Variants in PHLPP1 observed in about 807,000 individuals in gnomAD.
PHLPP1 encodes the protein PH domain leucine-rich repeat-containing protein phosphatase 1.
PHLPP1 carries 42 observed loss-of-function variants against 117.2 expected under a neutral mutation model. The ratio of observed to expected loss-of-function variants is 0.36; its 90% confidence interval spans 0.28 to 0.46. PHLPP1 has a LOEUF of 0.46. Among genes scored for constraint, PHLPP1 ranks in the 20% least tolerant of loss-of-function variants. The pLI is 1.00. For missense variants in PHLPP1, 2,084 were observed against 2,241.9 expected (o/e 0.93, Z 1.42); for synonymous variants, 1,042 against 970.7 (o/e 1.07, Z -1.37).
At chr18:62,806,192 A>G (rs1281945289) in intron 1 of PHLPP1, among the ~76,000 whole-genome samples, 1 of 152,194 alleles carries the variant, frequency 6.6e-6, no homozygotes, top group Admixed American at 6.5e-5. Flanking sequence ...TGATGTATGT[A>G]TAAACACTTA....
intron 1 of PHLPP1, among the ~76,000 whole-genome samples, chr18:62,806,710 AG>A (rs1913961281): frequency 6.6e-6 from 1 of 152,218 alleles, no homozygotes; most frequent in Non-Finnish European, 1.5e-5. Context: ...TAGATCTTCA[AG>A]GATTAGCTTG....
At chr18:62,722,536 A>G (rs1910953550) in intron 1 of PHLPP1, among the ~76,000 whole-genome samples, 1 of 152,100 alleles carries the variant, frequency 6.6e-6, no homozygotes. Flanking sequence ...AACCCATTCC[A>G]TCCCTTTAAT....
At chr18:62,864,078 G>A (rs1915705892) in intron 4 of PHLPP1, among the ~76,000 whole-genome samples, 2 of 151,936 alleles carry the variant, frequency 1.3e-5, no homozygotes, top group South Asian at 4.1e-4. Flanking sequence ...CTGGAGTGCA[G>A]TGGCACAGTC....
intron 1 of PHLPP1, chr18:62,824,307 A>G (rs1914549405): frequency 2.5e-6 from 1 of 395,836 alleles, no homozygotes; most frequent in South Asian, 1.8e-5. Flanking sequence ...TCAAAATAGA[A>G]AAAAAAAAAG....
intron 6 of PHLPP1, among the ~76,000 whole-genome samples, chr18:62,901,001 T>C (rs985130218): frequency 1.3e-5 from 2 of 152,224 alleles, no homozygotes; most frequent in African/African-American, 4.8e-5. Flanking sequence ...GAAAACTTGG[T>C]ATTTCAGTCA....
chr18:62,766,614 C>G (rs1341006400), intron 1 of PHLPP1, among the ~76,000 whole-genome samples: 1 of 152,120 alleles, frequency 6.6e-6, no homozygotes, highest in Non-Finnish European at 1.5e-5. Flanking sequence ...GACCACTCAA[C>G]TAATAGAGCT....
chr18:62,896,075 A>T (rs2144399559), intron 6 of PHLPP1, 64 bp downstream of exon 6: 2 of 988,554 alleles, frequency 2.0e-6, no homozygotes, highest in South Asian at 2.8e-5. Flanking sequence ...GGTGGGGAGT[A>T]GGTTATTAAC....
At position 62,716,858 on chromosome 18, in the gene PHLPP1, G is replaced by A; in HGVS notation, c.1175G>A (p.Gly392Asp). 1 of 1,522,540 alleles carries A rather than the reference G, an allele frequency of 6.6e-7. No individual in the cohort carries two copies. The allele number at this position is 1,522,540 out of a possible 1,614,324, so 94.3% of individuals were successfully genotyped here. ...DAASAPTGVP[G>D]QPRRPGHPAQ... is the part of the protein sequence containing the mutation. ...GCCTCGGCCCCGACGGGGGTCCCGG[G>A]CCAGCCCCGCCGTCCCGGCCACCCC... The change falls in exon 1 of 17, where the codon GGC becomes GAC. Residue 392 changes from glycine (G) to aspartate (D), a missense_variant. Around this residue, in one of 2 missense-constraint regions of PHLPP1, gnomAD observed 719 missense variants for 636.0 expected, o/e 1.13. Transcript: ENST00000262719. This position sits in a 1 kb window ranked among gnomAD's most constrained non-coding sequence, Gnocchi z 5.7.
At position 62,755,642 on chromosome 18, in the gene PHLPP1, A is replaced by G. The variant is rs116562639; in HGVS notation, c.1576+38383A>G. 8.2e-3 allele frequency among the ~76,000 whole-genome samples: 1,242 copies of G among 152,306 alleles called. 20 individuals carry two copies. The highest frequency in any genetic ancestry group is 0.028 in the African/African-American group (1,160 of 41,556). ...GGAATCTGACCCTCACCAGACATCA[A>G]ATCTACTGGTGCCTTGATCTTGGAC... On this transcript the variant is annotated intron_variant, in intron 1 of 16. Coordinates refer to ENST00000262719, the MANE Select transcript of PHLPP1 (RefSeq NM_194449.4).
intron 1 of PHLPP1, among the ~76,000 whole-genome samples, chr18:62,792,862 C>G (rs535519520): frequency 4.0e-4 from 49 of 122,542 alleles, no homozygotes; most frequent in African/African-American, 1.7e-3. Context: ...GAGCGAGCCT[C>G]TGTCTCAAAA....
intron 1 of PHLPP1, among the ~76,000 whole-genome samples, chr18:62,786,661 A>G (rs1913294472): frequency 6.6e-6 from 1 of 152,194 alleles, no homozygotes; most frequent in African/African-American, 2.4e-5. Context: ...ATAAAAAATC[A>G]TTGACTTTTT....
chr18:62,716,687 C>T lies in PHLPP1; in HGVS notation c.1004C>T (p.Ser335Phe). ...PGEPFVGGPVSSPRAPRPVVS... is the reference protein window; with the variant it reads ...PGEPFVGGPVFSPRAPRPVVS... ...GAGCCGTTCGTTGGGGGCCCTGTCT[C>T]TTCGCCCCGCGCCCCACGGCCTGTG... The change falls in exon 1 of 17, where the codon TCT becomes TTT. Residue 335 changes from serine to phenylalanine, a missense_variant. Physicochemically the swap from Ser to Phe is radical, Grantham distance 155 (BLOSUM62 -2). This residue lies in a region of PHLPP1 where 719 missense variants were observed against 636.0 expected (regional missense o/e 1.13). Transcript: ENST00000262719. The surrounding 1 kb of genome is among the most constrained non-coding windows in gnomAD (Gnocchi z 5.7). 3 of 1,472,524 alleles carry T rather than the reference C, an allele frequency of 2.0e-6. No homozygotes were observed. Among genetic ancestry groups the T allele is most frequent in the South Asian group, 2.6e-5 (2 of 78,028 alleles). 91.2% of individuals were successfully genotyped at this position (1,472,524 alleles called of 1,614,324 possible). A position where few individuals can be genotyped will look rare whatever the true frequency, so the allele number is the denominator to read the frequency against.
chr18:62,717,944 G>A (rs1910811826), intron 1 of PHLPP1, among the ~76,000 whole-genome samples: 1 of 152,114 alleles, frequency 6.6e-6, no homozygotes, highest in African/African-American at 2.4e-5. Flanking sequence ...CAGCCTTTAT[G>A]GTCAGAACTG....
chr18:62,802,244 T>C (rs936215259), intron 1 of PHLPP1, among the ~76,000 whole-genome samples: 2 of 152,092 alleles, frequency 1.3e-5, no homozygotes, highest in Admixed American at 6.5e-5. Flanking sequence ...GGGAGGAGCA[T>C]GGAGTCTGCA....
At chr18:62,948,603 A>T (rs188527917) in intron 12 of PHLPP1, among the ~76,000 whole-genome samples, 1 of 150,440 alleles carries the variant, frequency 6.6e-6, no homozygotes, top group East Asian at 1.9e-4. Context: ...CATTTTTCTT[A>T]TGTTAACAAT....
At chr18:62,875,046 C>T (rs2144377635) in intron 4 of PHLPP1, among the ~76,000 whole-genome samples, 1 of 152,304 alleles carries the variant, frequency 6.6e-6, no homozygotes, top group South Asian at 2.1e-4. Context: ...CTTCCGCCTC[C>T]CGGGTTCAAG....
At chr18:62,869,895 C>G (rs2144371296) in intron 4 of PHLPP1, among the ~76,000 whole-genome samples, 1 of 152,248 alleles carries the variant, frequency 6.6e-6, no homozygotes, top group South Asian at 2.1e-4. Flanking sequence ...GTTTCTCTTT[C>G]TTTTTATTTT....
At chr18:62,800,682 T>A (rs1350213197) in intron 1 of PHLPP1, among the ~76,000 whole-genome samples, 3 of 152,158 alleles carry the variant, frequency 2.0e-5, no homozygotes, top group African/African-American at 7.2e-5. Context: ...TTCATGTTAC[T>A]TGTTTTGTTG....
At chr18:62,850,262 C>T (rs1235023351) in intron 3 of PHLPP1, among the ~76,000 whole-genome samples, 1 of 151,474 alleles carries the variant, frequency 6.6e-6, no homozygotes, top group Non-Finnish European at 1.5e-5. Flanking sequence ...GTGGCAGGCA[C>T]CTGTAATCCC....
Sources: allele counts gnomAD v4.1 joint callset (sites outside exome capture counted in the v4.1 genomes callset), GRCh38; gene constraint gnomAD v4.1.1; regional missense constraint gnomAD v4.1.1; non-coding constraint Gnocchi (gnomAD v3.1); transcripts MANE v1.5; gene names NCBI Gene and HGNC (gene_info 2026-07-23, HGNC 2026-07-21).